Variants in IQANK1 observed in about 807,000 individuals in gnomAD.
IQANK1 encodes IQ motif and ankyrin repeat containing 1.
In IQANK1, 30 loss-of-function variants were observed where a neutral mutation model predicts 22.6. That is an observed-to-expected ratio of 1.33 (90% CI 0.99 to 1.80). The LOEUF (loss-of-function observed/expected upper bound fraction) is 1.80, where lower values mean the gene tolerates loss of function less well. Among genes scored for constraint, IQANK1 ranks in the 40% most tolerant of loss-of-function variants. The pLI, the probability that IQANK1 is intolerant of heterozygous loss-of-function variation, is 0.00. For synonymous variants in IQANK1, 122 were observed against 99.6 expected (o/e 1.23, Z -1.34); for missense variants, 275 against 235.2 (o/e 1.17, Z -1.11).
chr8:143,761,085 G>A (rs6985510), intron 3 of IQANK1, among the ~76,000 whole-genome samples: 31,187 of 152,238 alleles, frequency 0.2, 9,042 homozygotes, highest in African/African-American at 0.65. Context: ...GGGTTTCGCC[G>A]GGAGCAGCAG....
chr8:143,743,202 G>A, intron 3 of IQANK1: 1 of 362,600 alleles, frequency 2.8e-6, no homozygotes, highest in Non-Finnish European at 5.4e-6. Flanking sequence ...CTCTTCCACT[G>A]TTTTTGGTTT....
At chr8:143,742,509 G>T (rs1044973248) in intron 3 of IQANK1, 1 of 456,046 alleles carries the variant, frequency 2.2e-6, no homozygotes, top group Non-Finnish European at 4.4e-6. Context: ...TCTGGGCTGG[G>T]CCCCACAAAC....
chr8:143,757,089 T>C lies in IQANK1; in HGVS notation c.176-14399T>C, dbSNP rs180807756. On this transcript the variant is annotated intron_variant, in intron 3 of 13. Coordinates refer to ENST00000527139, the MANE Select transcript of IQANK1 (RefSeq NM_001381874.1). ...CCAGAAGCTTCAAACAATATTCATA[T>C]GTGCAACTGACAGTCAGAGTGTCAC... 6.6e-5 allele frequency among the ~76,000 whole-genome samples: 10 copies of C among 152,320 alleles called. No individual in the cohort carries two copies. In the East Asian group the frequency reaches 1.9e-3, roughly 29 times the overall value.
chr8:143,786,405 C>T (rs530658140), intron 7 of IQANK1, among the ~76,000 whole-genome samples: 21 of 152,166 alleles, frequency 1.4e-4, no homozygotes, highest in Non-Finnish European at 2.6e-4. Context: ...TTCACTCACC[C>T]ACCCACGTTT....
At chr8:143,740,352 C>T (rs1818872858) in intron 3 of IQANK1, among the ~76,000 whole-genome samples, 1 of 152,198 alleles carries the variant, frequency 6.6e-6, no homozygotes, top group Non-Finnish European at 1.5e-5. Context: ...CGCCTTGGGC[C>T]CGGATCGCCT....
chr8:143,789,723 G>A, intron 10 of IQANK1, 38 bp from the exon 11 acceptor site: 1 of 1,229,080 alleles, frequency 8.1e-7, no homozygotes, highest in East Asian at 3.2e-5. Flanking sequence ...CCAGAGCATG[G>A]GGCAGGGCAA....
intron 7 of IQANK1, among the ~76,000 whole-genome samples, chr8:143,776,118 A>G (rs58916548): frequency 0.022 from 3,308 of 147,398 alleles, 156 homozygotes; most frequent in African/African-American, 0.08. Context: ...TCAGGAGATC[A>G]AGCCCATCCT....
chr8:143,785,400 GTGT>G (rs1554631244), intron 7 of IQANK1, among the ~76,000 whole-genome samples: 1 of 151,522 alleles, frequency 6.6e-6, no homozygotes, highest in African/African-American at 2.4e-5. Context: ...GGGACTACCA[GTGT>G]GCAGCACCAC....
intron 3 of IQANK1, chr8:143,742,804 C>A: frequency 2.2e-6 from 1 of 456,100 alleles, no homozygotes; most frequent in Non-Finnish European, 4.4e-6. Context: ...TCACCTTAGC[C>A]AGCAGCCCTG....
intron 3 of IQANK1, among the ~76,000 whole-genome samples, chr8:143,761,661 C>T (rs1192833319): frequency 6.6e-6 from 1 of 152,146 alleles, no homozygotes; most frequent in African/African-American, 2.4e-5. Flanking sequence ...ACTCCGGAGG[C>T]TGAGGTAGGA....
intron 2 of IQANK1, among the ~76,000 whole-genome samples, chr8:143,738,871 C>G (rs1554626054): frequency 6.6e-6 from 1 of 152,242 alleles, no homozygotes; most frequent in Admixed American, 6.5e-5. Flanking sequence ...CCCATGCACT[C>G]TGGAGGGCTC....
intron 3 of IQANK1, among the ~76,000 whole-genome samples, chr8:143,754,654 C>G (rs1408854052): frequency 6.6e-6 from 1 of 151,864 alleles, no homozygotes; most frequent in Non-Finnish European, 1.5e-5. Context: ...GAGATGGAGT[C>G]TCTCTCTGTT....
At chr8:143,768,678 G>A (rs563166128) in intron 3 of IQANK1, among the ~76,000 whole-genome samples, 3 of 152,178 alleles carry the variant, frequency 2.0e-5, no homozygotes, top group East Asian at 3.9e-4. Flanking sequence ...ACTCACTGAC[G>A]TTTATTTTGT....
chr8:143,787,513 G>A (rs566391227), intron 7 of IQANK1, among the ~76,000 whole-genome samples: 88 of 152,142 alleles, frequency 5.8e-4, no homozygotes, highest in Admixed American at 2.5e-3. Flanking sequence ...AGGCCACGCC[G>A]CGCCACTGCT....
Position 143,771,732 on chromosome 8 carries a change from GTGGACCGTGGCC to G in IQANK1, c.307-67_307-56del. ...CAGATCGGGCTCCGACCTCAGAGGCGTGGACCGTGGCCTCGGGGCTCGGGGCGGTGGCGCGGA... is the reference window on the plus strand; with the variant it reads ...CAGATCGGGCTCCGACCTCAGAGGCGTCGGGGCTCGGGGCGGTGGCGCGGA... On this transcript the variant is annotated intron_variant, in intron 4 of 13. Coordinates refer to ENST00000527139, the MANE Select transcript of IQANK1 (RefSeq NM_001381874.1). The surrounding 1 kb of genome is among the most constrained non-coding windows in gnomAD (Gnocchi z 6.0). 2.5e-6 allele frequency: 1 copy of G among 397,530 alleles called. No homozygotes were observed. The highest frequency in any genetic ancestry group is 4.4e-6 in the Non-Finnish European group (1 of 225,552). 24.6% of individuals were successfully genotyped at this position (397,530 alleles called of 1,614,324 possible).
chr8:143,781,859 G>A (rs1276361293), intron 7 of IQANK1, among the ~76,000 whole-genome samples: 1 of 152,100 alleles, frequency 6.6e-6, no homozygotes, highest in East Asian at 1.9e-4. Context: ...AAAATGCTTG[G>A]TATAATAGTT....
At chr8:143,751,646 G>C (rs371397553) in intron 3 of IQANK1, among the ~76,000 whole-genome samples, 3 of 27,176 alleles carry the variant, frequency 1.1e-4, no homozygotes, top group South Asian at 1.3e-3. Context: ...GTGTGTGTGT[G>C]TGTGTGTGTG....
intron 7 of IQANK1, among the ~76,000 whole-genome samples, chr8:143,786,374 ATT>A (rs1448509796): frequency 1.3e-5 from 2 of 152,168 alleles, no homozygotes; most frequent in Non-Finnish European, 2.9e-5. Context: ...TGAGGATCAA[ATT>A]TGCATATTCA....
intron 10 of IQANK1, 106 bp downstream of exon 10, chr8:143,789,634 C>G (rs1554631923): frequency 1.6e-6 from 2 of 1,218,984 alleles, no homozygotes; most frequent in African/African-American, 1.6e-5. Flanking sequence ...TTTTCCCTCT[C>G]AAACATGGGG....
Sources: gnomAD v4.1 joint callset for allele counts (sites outside exome capture counted in the v4.1 genomes callset) on GRCh38, gnomAD v4.1.1 for gene constraint, Gnocchi (gnomAD v3.1) non-coding constraint, MANE v1.5 for transcripts, NCBI Gene and HGNC (gene_info 2026-07-23, HGNC 2026-07-21) for gene names.